The following KCNIP4 variants were observed in gnomAD, a reference collection of about 807,000 sequenced individuals.
KCNIP4 encodes potassium voltage-gated channel interacting protein 4.
KCNIP4 carries 12 observed loss-of-function variants against 34.0 expected under a neutral mutation model. That is an observed-to-expected ratio of 0.35 (90% CI 0.23 to 0.57). The LOEUF (loss-of-function observed/expected upper bound fraction) is 0.57, where lower values mean the gene tolerates loss of function less well. KCNIP4 is among the 20% of genes least tolerant of loss of function. KCNIP4 has a pLI of 0.83. For synonymous variants in KCNIP4, 124 were observed against 102.2 expected, an observed-to-expected ratio of 1.21 and a Z score of -1.29; for missense variants, 238 against 311.7, an observed-to-expected ratio of 0.76 and a Z score of 1.78.
chr4:21,878,726 C>T (rs982959174), intron 1 of KCNIP4, among the ~76,000 whole-genome samples: 2 of 152,088 alleles, frequency 1.3e-5, no homozygotes, highest in South Asian at 2.1e-4. Flanking sequence ...TGAACACAAA[C>T]GTGAAGACTC....
intron 1 of KCNIP4, among the ~76,000 whole-genome samples, chr4:21,671,869 A>G (rs2109009476): frequency 6.6e-6 from 1 of 152,280 alleles, no homozygotes; most frequent in East Asian, 1.9e-4. Context: ...CTCCCCAGCA[A>G]TGCCCCTTCA....
At chr4:20,901,853 C>T (rs1727187297) in intron 1 of KCNIP4, among the ~76,000 whole-genome samples, 2 of 150,762 alleles carry the variant, frequency 1.3e-5, no homozygotes, top group South Asian at 4.2e-4. Context: ...TTAAGTATGA[C>T]ATGAAACAGA....
At chr4:21,779,112 C>G (rs1719403455) in intron 1 of KCNIP4, among the ~76,000 whole-genome samples, 1 of 151,546 alleles carries the variant, frequency 6.6e-6, no homozygotes, top group African/African-American at 2.4e-5. Context: ...TAAGGGATTC[C>G]ACTGTGATGA....
At chr4:21,488,588 A>G (rs1732111554) in intron 1 of KCNIP4, among the ~76,000 whole-genome samples, 1 of 152,180 alleles carries the variant, frequency 6.6e-6, no homozygotes. Flanking sequence ...GATAAAGAAC[A>G]TGGAAGAAGA....
intron 1 of KCNIP4, among the ~76,000 whole-genome samples, chr4:21,406,234 G>A (rs953677129): frequency 1.3e-5 from 2 of 152,136 alleles, no homozygotes; most frequent in African/African-American, 4.8e-5. Flanking sequence ...GTGTGGCTGA[G>A]GAAAGGGAAA....
intron 1 of KCNIP4, among the ~76,000 whole-genome samples, chr4:21,459,146 C>A (rs935655772): frequency 2.0e-5 from 3 of 152,040 alleles, no homozygotes; most frequent in African/African-American, 7.2e-5. Context: ...GTTTCTATGG[C>A]CACTCTCTTC....
At chr4:21,757,568 G>C (rs994423750) in intron 1 of KCNIP4, among the ~76,000 whole-genome samples, 8 of 152,112 alleles carry the variant, frequency 5.3e-5, no homozygotes, top group Non-Finnish European at 1.2e-4. Flanking sequence ...TTCTTTTTTA[G>C]AGACGTCTTC....
chr4:20,917,447 G>C (rs577825922), intron 1 of KCNIP4, among the ~76,000 whole-genome samples: 1 of 152,130 alleles, frequency 6.6e-6, no homozygotes, highest in East Asian at 1.9e-4. Context: ...ATGCTAAACT[G>C]CTTCACCCTA....
intron 1 of KCNIP4, chr4:21,697,333 A>G (rs1214706037): frequency 6.8e-7 from 1 of 1,464,596 alleles, no homozygotes; most frequent in East Asian, 2.6e-5. Context: ...AAAAAAAAAA[A>G]AAAAAAAAGT....
intron 1 of KCNIP4, among the ~76,000 whole-genome samples, chr4:21,707,599 T>C (rs1713385610): frequency 6.6e-6 from 1 of 152,026 alleles, no homozygotes; most frequent in Non-Finnish European, 1.5e-5. Flanking sequence ...GAAGTCCTCA[T>C]TGTTGTTGTT....
intron 3 of KCNIP4, among the ~76,000 whole-genome samples, chr4:20,779,676 G>A (rs1756696605): frequency 6.8e-6 from 1 of 146,496 alleles, no homozygotes; most frequent in Admixed American, 7.3e-5. Context: ...GATTATCCAA[G>A]TGGGCCTTTT....
At chr4:20,794,509 C>T (rs1578634503) in intron 3 of KCNIP4, among the ~76,000 whole-genome samples, 1 of 152,102 alleles carries the variant, frequency 6.6e-6, no homozygotes, top group African/African-American at 2.4e-5. Context: ...TATAATTCCA[C>T]TTATATAAAA....
intron 2 of KCNIP4, among the ~76,000 whole-genome samples, chr4:20,853,597 C>A (rs1031268066): frequency 2.8e-5 from 4 of 143,846 alleles, no homozygotes; most frequent in African/African-American, 9.9e-5. Flanking sequence ...GATCTCATGA[C>A]CAAGAACCCA....
At chr4:21,138,961 G>A (rs1751725494) in intron 1 of KCNIP4, among the ~76,000 whole-genome samples, 1 of 152,212 alleles carries the variant, frequency 6.6e-6, no homozygotes, top group Non-Finnish European at 1.5e-5. Context: ...AAGTCATTCA[G>A]ACTTCTGACC....
chr4:21,841,859 T>C (rs1436977047), intron 1 of KCNIP4, among the ~76,000 whole-genome samples: 1 of 152,172 alleles, frequency 6.6e-6, no homozygotes, highest in Non-Finnish European at 1.5e-5. Flanking sequence ...GTCAGTGCAC[T>C]TAAGATTATC....
intron 1 of KCNIP4, among the ~76,000 whole-genome samples, chr4:21,158,536 A>G (rs925237112): frequency 6.6e-6 from 1 of 152,180 alleles, no homozygotes; most frequent in Non-Finnish European, 1.5e-5. Flanking sequence ...TTAACAAACT[A>G]AAAAAGTGAT....
chr4:20,824,545 T>A (rs1038203207), intron 3 of KCNIP4, among the ~76,000 whole-genome samples: 1 of 152,014 alleles, frequency 6.6e-6, no homozygotes, highest in African/African-American at 2.4e-5. Context: ...CCGGGCGTGG[T>A]GGCATGTGCC....
At chr4:21,374,817 G>C (rs1720822832) in intron 1 of KCNIP4, among the ~76,000 whole-genome samples, 1 of 147,552 alleles carries the variant, frequency 6.8e-6, no homozygotes, top group African/African-American at 2.7e-5. Context: ...TTGGCTTCCT[G>C]GGAATGGAGT....
intron 1 of KCNIP4, among the ~76,000 whole-genome samples, chr4:21,675,440 A>G (rs1392646879): frequency 6.6e-6 from 1 of 152,202 alleles, no homozygotes; most frequent in Non-Finnish European, 1.5e-5. Context: ...AATAATTTAA[A>G]GAATGTAGCT....
Sources: gnomAD v4.1 joint callset for allele counts (sites outside exome capture counted in the v4.1 genomes callset) on GRCh38, gnomAD v4.1.1 for gene constraint, MANE v1.5 for transcripts, NCBI Gene and HGNC (gene_info 2026-07-23, HGNC 2026-07-21) for gene names.